Variants in FOXP1 observed in about 807,000 individuals in gnomAD.
FOXP1 encodes forkhead box protein P1.
A neutral mutation model predicts 98.2 loss-of-function variants in FOXP1; 15 were observed. The observed-to-expected ratio is 0.15, with a 90% CI of 0.10 to 0.24. FOXP1 has a LOEUF of 0.24. Among genes scored for constraint, FOXP1 ranks in the 10% least tolerant of loss-of-function variants. The probability of loss-of-function intolerance (pLI) is 1.00; values close to 1 mark genes in which losing one functional copy is unlikely to be tolerated. For synonymous variants in FOXP1, 371 were observed against 314.5 expected, an observed-to-expected ratio of 1.18 and a Z score of -1.90; for missense variants, 633 against 848.5, an observed-to-expected ratio of 0.75 and a Z score of 3.15.
chr3:71,574,238 T>C (rs948049726), intron 2 of FOXP1: 2 of 152,192 alleles, frequency 1.3e-5, no homozygotes, highest in African/African-American at 4.8e-5. Flanking sequence ...TGCCAACTTT[T>C]TGGCAGCTAT....
At chr3:71,570,322 T>C (rs2047240332) in intron 2 of FOXP1, 1 of 152,160 alleles carries the variant, frequency 6.6e-6, no homozygotes, top group African/African-American at 2.4e-5. Context: ...GTAGATATCT[T>C]ACAATCTAGG....
chr3:71,345,397 T>TACACACAC (rs71120315), intron 4 of FOXP1, among the ~76,000 whole-genome samples: 4 of 141,850 alleles, frequency 2.8e-5, no homozygotes, highest in Admixed American at 6.9e-5. Context: ...CAAATATATA[T>TACACACAC]ACACACACAC....
chr3:71,581,200 G>C, intron 2 of FOXP1: 1 of 985,274 alleles, frequency 1.0e-6, no homozygotes, highest in South Asian at 4.7e-5. Flanking sequence ...GCCCAGCAAG[G>C]GTATTTGGAT....
intron 3 of FOXP1, among the ~76,000 whole-genome samples, chr3:71,450,628 C>T (rs1276375490): frequency 1.3e-5 from 2 of 152,148 alleles, no homozygotes; most frequent in Non-Finnish European, 1.5e-5. Context: ...TTAAAGAAAG[C>T]CTATGTTAAT....
chr3:70,985,884 C>T (rs1256995509), intron 14 of FOXP1, among the ~76,000 whole-genome samples: 1 of 152,098 alleles, frequency 6.6e-6, no homozygotes, highest in Non-Finnish European at 1.5e-5. Context: ...TATAGAAGTG[C>T]TGTGCAGCGA....
At chr3:71,323,190 C>G (rs1321993860) in intron 4 of FOXP1, among the ~76,000 whole-genome samples, 1 of 152,038 alleles carries the variant, frequency 6.6e-6, no homozygotes, top group African/African-American at 2.4e-5. Flanking sequence ...AGGCTGGTCT[C>G]GAACTCCTGA....
At position 71,413,207 on chromosome 3, in the gene FOXP1, A is replaced by C. The variant is rs796954487; in HGVS notation, c.-167-53963T>G. ...ATAGACACACACACACCACCCCCCC[A>C]AATAGACACACACACACCCCCCCAA... On this transcript the variant is annotated intron_variant, in intron 3 of 20. Transcript: ENST00000649528. 6.9e-3 allele frequency among the ~76,000 whole-genome samples: 415 copies of C among 59,838 alleles called. 7 individuals carry two copies. Among genetic ancestry groups the C allele is most frequent in the Non-Finnish European group, 8.4e-3 (271 of 32,402 alleles). The allele number at this position is 59,838 out of a possible 152,430, so 39.3% of individuals were successfully genotyped here. A position where few individuals can be genotyped will look rare whatever the true frequency, so the allele number is the denominator to read the frequency against.
At chr3:71,536,964 C>T (rs951577610) in intron 2 of FOXP1, among the ~76,000 whole-genome samples, 1 of 152,160 alleles carries the variant, frequency 6.6e-6, no homozygotes, top group Non-Finnish European at 1.5e-5. Flanking sequence ...CTGACTCTGC[C>T]TCCTGCCCAC....
At chr3:71,030,425 A>G (rs982834253) in intron 11 of FOXP1, among the ~76,000 whole-genome samples, 1 of 152,212 alleles carries the variant, frequency 6.6e-6, no homozygotes, top group African/African-American at 2.4e-5. Flanking sequence ...TTACCCCAAC[A>G]GTAACCTCAG....
chr3:71,213,555 G>T (rs981751137), intron 5 of FOXP1, among the ~76,000 whole-genome samples: 8 of 152,106 alleles, frequency 5.3e-5, no homozygotes, highest in Admixed American at 5.2e-4. Context: ...GGTGGCTCAC[G>T]CCTGTAATCC....
intron 7 of FOXP1, among the ~76,000 whole-genome samples, chr3:71,063,317 G>A (rs1306355984): frequency 6.6e-6 from 1 of 152,220 alleles, no homozygotes; most frequent in Non-Finnish European, 1.5e-5. Context: ...TTTACTTAGT[G>A]GTCAATCTTA....
chr3:71,475,571 A>G (rs1173365991), intron 3 of FOXP1, among the ~76,000 whole-genome samples: 1 of 152,150 alleles, frequency 6.6e-6, no homozygotes, highest in East Asian at 1.9e-4. Context: ...GGCCAGGCGC[A>G]GTGACTCACG....
intron 6 of FOXP1, among the ~76,000 whole-genome samples, chr3:71,178,462 ACAGCTGGGTG>A (rs1243151159): frequency 6.6e-6 from 1 of 152,088 alleles, no homozygotes; most frequent in African/African-American, 2.4e-5. Context: ...AACATCTTTG[ACAGCTGGGTG>A]CAGTGGCTCA....
chr3:71,458,573 T>C (rs1381901167), intron 3 of FOXP1, among the ~76,000 whole-genome samples: 1 of 152,226 alleles, frequency 6.6e-6, no homozygotes, highest in Non-Finnish European at 1.5e-5. Flanking sequence ...AAAATAGGTA[T>C]GTGAGCAAAA....
chr3:71,552,975 A>T (rs2045881925), intron 2 of FOXP1, among the ~76,000 whole-genome samples: 1 of 152,104 alleles, frequency 6.6e-6, no homozygotes, highest in Non-Finnish European at 1.5e-5. Context: ...GAAAAATGTC[A>T]GTCTTTATTA....
At chr3:71,368,629 AC>A (rs2079082406) in intron 3 of FOXP1, among the ~76,000 whole-genome samples, 1 of 152,212 alleles carries the variant, frequency 6.6e-6, no homozygotes, top group Non-Finnish European at 1.5e-5. Flanking sequence ...TCACATGATA[AC>A]TAATTTCACT....
chr3:71,149,965 A>T (rs2060493016), intron 6 of FOXP1, among the ~76,000 whole-genome samples: 1 of 152,262 alleles, frequency 6.6e-6, no homozygotes, highest in South Asian at 2.1e-4. Flanking sequence ...AGGTATCTGG[A>T]TCATCTTGAT....
At chr3:71,442,069 A>G (rs962656840) in intron 3 of FOXP1, among the ~76,000 whole-genome samples, 2 of 152,174 alleles carry the variant, frequency 1.3e-5, no homozygotes, top group Admixed American at 1.3e-4. Context: ...ATTCCCAAGC[A>G]CTAAACATCT....
At chr3:71,397,659 T>G (rs889067429) in intron 3 of FOXP1, among the ~76,000 whole-genome samples, 2 of 152,142 alleles carry the variant, frequency 1.3e-5, no homozygotes, top group East Asian at 1.9e-4. Flanking sequence ...GAGAAAACAA[T>G]AGGAGGACCC....
Sources: gnomAD v4.1 joint callset for allele counts (sites outside exome capture counted in the v4.1 genomes callset) on GRCh38, gnomAD v4.1.1 for gene constraint, MANE v1.5 for transcripts, NCBI Gene and HGNC (gene_info 2026-07-23, HGNC 2026-07-21) for gene names.